Variants in BBS9 observed in about 807,000 individuals in gnomAD.
BBS9 encodes the protein Bardet-Biedl syndrome 9.
Under a neutral mutation model 117.7 loss-of-function variants are expected in BBS9, and 89 were observed. The observed-to-expected ratio is 0.76, with a 90% CI of 0.64 to 0.90. BBS9 has a LOEUF of 0.90. Among genes scored for constraint, BBS9 ranks in the 40% least tolerant of loss-of-function variants. The probability of loss-of-function intolerance (pLI) is 0.00; values close to 1 mark genes in which losing one functional copy is unlikely to be tolerated. For missense variants in BBS9, 982 were observed against 1,042.2 expected (o/e 0.94, Z 0.80); for synonymous variants, 379 against 370.9 (o/e 1.02, Z -0.25).
At chr7:33,171,591 T>A (rs192354810) in intron 4 of BBS9, among the ~76,000 whole-genome samples, 8 of 152,338 alleles carry the variant, frequency 5.3e-5, no homozygotes, top group African/African-American at 1.4e-4. Flanking sequence ...ACTATTTTTT[T>A]AAGTTTTTAG....
intron 13 of BBS9, among the ~76,000 whole-genome samples, chr7:33,350,175 T>G (rs927127206): frequency 1.3e-5 from 2 of 152,174 alleles, no homozygotes; most frequent in African/African-American, 4.8e-5. Context: ...TAGTTTACTA[T>G]AGCTTTTCTG....
chr7:33,348,539 T>C (rs186251099), intron 12 of BBS9, among the ~76,000 whole-genome samples: 3 of 152,316 alleles, frequency 2.0e-5, no homozygotes, highest in Admixed American at 2.0e-4. Flanking sequence ...TGAACATTTG[T>C]GTATAAGATT....
chr7:33,160,809 C>T (rs1179797640), intron 4 of BBS9, among the ~76,000 whole-genome samples: 1 of 152,100 alleles, frequency 6.6e-6, no homozygotes, highest in Non-Finnish European at 1.5e-5. Context: ...TCTTTGTGTT[C>T]TAGATTTTGA....
chr7:33,410,605 A>G lies in BBS9; in HGVS notation c.2115+22461A>G, dbSNP rs139598899. Among the ~76,000 whole-genome samples the G allele has an allele frequency of 8.9e-4, 136 of 152,212 alleles. 1 individual carries two copies. In the East Asian group the frequency reaches 0.024, roughly 27 times the overall value. On this transcript the variant is annotated intron_variant, in intron 19 of 22. Transcript: ENST00000242067. ...CCCTTCTAGAAACTTGTCTACATCT[A>G]TTCCCAACTTTCCTGCTGTCCTTCT...
chr7:33,544,683 G>A (rs1374159393), intron 21 of BBS9, among the ~76,000 whole-genome samples: 3 of 152,182 alleles, frequency 2.0e-5, no homozygotes, highest in Admixed American at 1.3e-4. Flanking sequence ...CTGCCAGGAG[G>A]TGGTACTTTC....
chr7:33,326,354 T>C (rs1242003295), intron 9 of BBS9, among the ~76,000 whole-genome samples: 4 of 151,880 alleles, frequency 2.6e-5, no homozygotes, highest in African/African-American at 7.3e-5. Context: ...TCAGTCAGCT[T>C]GTGATGAATG....
intron 19 of BBS9, among the ~76,000 whole-genome samples, chr7:33,468,311 T>C (rs1282380511): frequency 1.3e-5 from 2 of 152,164 alleles, no homozygotes; most frequent in Non-Finnish European, 2.9e-5. Flanking sequence ...TTTTATATTC[T>C]GCAATGAAGG....
intron 21 of BBS9, among the ~76,000 whole-genome samples, chr7:33,618,425 GT>G (rs1457475974): frequency 6.6e-6 from 1 of 151,974 alleles, no homozygotes; most frequent in Admixed American, 6.6e-5. Context: ...TGAGAATGTA[GT>G]TAAATTGAGA....
chr7:33,330,663 T>C (rs946334488), intron 9 of BBS9, among the ~76,000 whole-genome samples: 4 of 152,214 alleles, frequency 2.6e-5, no homozygotes, highest in African/African-American at 9.6e-5. Flanking sequence ...TACTGAGTGA[T>C]AGAATCATTA....
intron 19 of BBS9, among the ~76,000 whole-genome samples, chr7:33,473,483 C>G (rs1463852190): frequency 6.6e-6 from 1 of 152,068 alleles, no homozygotes; most frequent in Non-Finnish European, 1.5e-5. Flanking sequence ...GACACCACAC[C>G]CAGCTAATTT....
At chr7:33,151,282 A>G (rs1793266775) in intron 2 of BBS9, among the ~76,000 whole-genome samples, 2 of 152,172 alleles carry the variant, frequency 1.3e-5, no homozygotes, top group Middle Eastern at 3.2e-3. Context: ...AACCAATTCC[A>G]AATATGCTTG....
chr7:33,250,926 A>G (rs1796118644), intron 5 of BBS9, among the ~76,000 whole-genome samples: 1 of 152,198 alleles, frequency 6.6e-6, no homozygotes, highest in East Asian at 1.9e-4. Flanking sequence ...AGATCATTTC[A>G]ATAGATGACG....
At chr7:33,473,643 A>C (rs986488115) in intron 19 of BBS9, among the ~76,000 whole-genome samples, 3 of 152,146 alleles carry the variant, frequency 2.0e-5, no homozygotes, top group African/African-American at 7.2e-5. Flanking sequence ...AATAAATACT[A>C]GTTTTTCACA....
At chr7:33,609,077 A>C (rs563694289), downstream of BBS9, among the ~76,000 whole-genome samples, 1 of 152,044 alleles carries the variant, frequency 6.6e-6, no homozygotes, top group South Asian at 2.1e-4. Context: ...TCTTTCTATG[A>C]CTAGTTACAT....
At chr7:33,302,570 A>G (rs1019241328) in intron 9 of BBS9, among the ~76,000 whole-genome samples, 7 of 152,202 alleles carry the variant, frequency 4.6e-5, no homozygotes, top group Non-Finnish European at 8.8e-5. Flanking sequence ...CACCTTTGTC[A>G]AAAATTAGTT....
At chr7:33,612,222 A>G (rs781265565) in intron 21 of BBS9, among the ~76,000 whole-genome samples, 4 of 152,034 alleles carry the variant, frequency 2.6e-5, no homozygotes, top group Non-Finnish European at 5.9e-5. Flanking sequence ...GGGGGAAAGT[A>G]TGGTGTGTAA....
intron 9 of BBS9, among the ~76,000 whole-genome samples, chr7:33,284,267 C>T (rs1328383356): frequency 1.3e-5 from 2 of 152,110 alleles, no homozygotes; most frequent in Non-Finnish European, 2.9e-5. Flanking sequence ...GTCATTTCCT[C>T]ATTCAATTTC....
intron 19 of BBS9, among the ~76,000 whole-genome samples, chr7:33,421,634 T>A (rs1832876088): frequency 6.6e-6 from 1 of 152,166 alleles, no homozygotes; most frequent in Non-Finnish European, 1.5e-5. Context: ...CTTTTCTTAG[T>A]CAGTCTGGAA....
intron 5 of BBS9, among the ~76,000 whole-genome samples, chr7:33,188,838 T>G (rs1562764358): frequency 1.3e-5 from 2 of 152,024 alleles, no homozygotes; most frequent in Non-Finnish European, 2.9e-5. Flanking sequence ...AGGTGCTTTG[T>G]AAAGGGGTTT....
Sources: allele counts gnomAD v4.1 joint callset (sites outside exome capture counted in the v4.1 genomes callset), GRCh38; gene constraint gnomAD v4.1.1; transcripts MANE v1.5; gene names NCBI Gene and HGNC (gene_info 2026-07-23, HGNC 2026-07-21).